The following STK32B variants were observed in gnomAD, a reference collection of about 807,000 sequenced individuals.
STK32B encodes serine/threonine-protein kinase 32B.
STK32B carries 43 observed loss-of-function variants against 52.6 expected under a neutral mutation model. The ratio of observed to expected loss-of-function variants is 0.82; its 90% CI spans 0.64 to 1.05. The LOEUF is 1.05. Among genes scored for constraint, STK32B ranks in the 50% least tolerant of loss-of-function variants. The pLI, the probability that STK32B is intolerant of heterozygous loss-of-function variation, is 0.00. For synonymous variants in STK32B, 238 were observed against 204.3 expected (o/e 1.17, Z -1.41); for missense variants, 621 against 534.6 (o/e 1.16, Z -1.59).
intron 11 of STK32B, among the ~76,000 whole-genome samples, chr4:5,478,627 G>C (rs1718419698): frequency 6.6e-6 from 1 of 152,204 alleles, no homozygotes; most frequent in Admixed American, 6.5e-5. Flanking sequence ...TGTTGTATTA[G>C]AGTCCCAGAG....
chr4:5,124,067 T>C (rs1266662760), intron 1 of STK32B, among the ~76,000 whole-genome samples: 2 of 152,148 alleles, frequency 1.3e-5, no homozygotes, highest in African/African-American at 2.4e-5. Flanking sequence ...TCTCATATCA[T>C]CTATTCAAAA....
intron 3 of STK32B, among the ~76,000 whole-genome samples, chr4:5,291,453 A>T (rs1728887560): frequency 6.6e-6 from 1 of 152,082 alleles, no homozygotes; most frequent in East Asian, 1.9e-4. Context: ...ATATTTTCAG[A>T]TTATTCATTC....
intron 3 of STK32B, among the ~76,000 whole-genome samples, chr4:5,251,947 C>A (rs1232518482): frequency 6.6e-6 from 1 of 152,108 alleles, no homozygotes; most frequent in East Asian, 1.9e-4. Context: ...AGGGGTAGAA[C>A]AATGTCCATG....
In STK32B at chr4:5,224,416, A is replaced by G. The variant is rs182622018; in HGVS notation, c.260+55966A>G. 1.2e-3 allele frequency among the ~76,000 whole-genome samples: 176 copies of G among 152,290 alleles called. 1 individual carries two copies. In the Middle Eastern group the frequency reaches 0.014, roughly 12 times the overall value. On this transcript the variant is annotated intron_variant, in intron 3 of 11. Transcript: ENST00000282908. ...TGTTGTTTGATGCATAAAAAGCTGG[A>G]ATTGCTTCTGGAGACACAAGTATAA...
chr4:5,238,546 A>G (rs1724788215), intron 3 of STK32B, among the ~76,000 whole-genome samples: 1 of 152,216 alleles, frequency 6.6e-6, no homozygotes, highest in African/African-American at 2.4e-5. Context: ...CAGGGAGTCA[A>G]CATTCAACCC....
At chr4:5,106,378 T>C (rs933507886) in intron 1 of STK32B, among the ~76,000 whole-genome samples, 2 of 152,300 alleles carry the variant, frequency 1.3e-5, no homozygotes, top group Non-Finnish European at 2.9e-5. Flanking sequence ...AGTTTTAACA[T>C]TTGCAATGAT....
At chr4:5,493,176 C>G (rs1466178253) in intron 11 of STK32B, among the ~76,000 whole-genome samples, 1 of 151,932 alleles carries the variant, frequency 6.6e-6, no homozygotes, top group Non-Finnish European at 1.5e-5. Flanking sequence ...CCTTGTACCT[C>G]TGATAGAATT....
intron 11 of STK32B, among the ~76,000 whole-genome samples, chr4:5,488,364 G>A (rs1056510108): frequency 6.6e-6 from 1 of 152,168 alleles, no homozygotes; most frequent in Non-Finnish European, 1.5e-5. Flanking sequence ...TTGGAATCCA[G>A]AATTAACAAA....
At chr4:5,413,852 T>G (rs1410770723) in intron 5 of STK32B, among the ~76,000 whole-genome samples, 3 of 152,176 alleles carry the variant, frequency 2.0e-5, no homozygotes, top group Non-Finnish European at 4.4e-5. Flanking sequence ...TGATAACAAC[T>G]AGTGCTGGCA....
At chr4:5,237,974 AG>A (rs994513853) in intron 3 of STK32B, among the ~76,000 whole-genome samples, 1 of 152,126 alleles carries the variant, frequency 6.6e-6, no homozygotes, top group African/African-American at 2.4e-5. Context: ...TGCCCCCTCT[AG>A]ATTGTAGTTT....
chr4:5,152,085 C>G (rs529940721), intron 2 of STK32B, among the ~76,000 whole-genome samples: 107 of 152,352 alleles, frequency 7.0e-4, no homozygotes, highest in Middle Eastern at 3.4e-3. Context: ...GAAAAACTTG[C>G]TCTCAGTTAT....
At chr4:5,306,237 G>T (rs1450632158) in intron 3 of STK32B, among the ~76,000 whole-genome samples, 1 of 152,126 alleles carries the variant, frequency 6.6e-6, no homozygotes. Flanking sequence ...CTAGGGTACA[G>T]TTTAAGTTCA....
chr4:5,256,143 T>C (rs1313009594), intron 3 of STK32B, among the ~76,000 whole-genome samples: 1 of 152,068 alleles, frequency 6.6e-6, no homozygotes, highest in African/African-American at 2.4e-5. Context: ...ATGTTAGAGA[T>C]GCAGATACTG....
intron 6 of STK32B, among the ~76,000 whole-genome samples, chr4:5,444,698 C>G (rs540146364): frequency 2.0e-5 from 3 of 152,216 alleles, no homozygotes; most frequent in African/African-American, 7.2e-5. Flanking sequence ...GCACTCACTA[C>G]GGGCCAGGCA....
At chr4:5,207,117 A>G (rs146233718) in intron 3 of STK32B, among the ~76,000 whole-genome samples, 37 of 152,264 alleles carry the variant, frequency 2.4e-4, no homozygotes, top group African/African-American at 7.5e-4. Context: ...GGCTGCTTCT[A>G]TGCTGCCATG....
chr4:5,232,440 T>C (rs1018548870), intron 3 of STK32B, among the ~76,000 whole-genome samples: 2 of 152,252 alleles, frequency 1.3e-5, no homozygotes, highest in Non-Finnish European at 2.9e-5. Flanking sequence ...GATTTGTTTC[T>C]TTCACAATTG....
chr4:5,074,255 C>A (rs1711953923), intron 1 of STK32B, among the ~76,000 whole-genome samples: 1 of 151,452 alleles, frequency 6.6e-6, no homozygotes. Context: ...AGTTTGGATA[C>A]AGTTTTTATT....
intron 4 of STK32B, among the ~76,000 whole-genome samples, chr4:5,359,529 G>T (rs1734410610): frequency 6.6e-6 from 1 of 152,118 alleles, no homozygotes; most frequent in Non-Finnish European, 1.5e-5. Flanking sequence ...TCTAGTGGAG[G>T]GAGGCAAACA....
intron 1 of STK32B, among the ~76,000 whole-genome samples, chr4:5,134,334 T>C (rs930842260): frequency 1.3e-5 from 2 of 152,194 alleles, no homozygotes; most frequent in Admixed American, 6.5e-5. Flanking sequence ...GGGACTGCTG[T>C]CATTATCATG....
Sources: allele counts gnomAD v4.1 joint callset (sites outside exome capture counted in the v4.1 genomes callset), GRCh38; gene constraint gnomAD v4.1.1; transcripts MANE v1.5; gene names NCBI Gene and HGNC (gene_info 2026-07-23, HGNC 2026-07-21).